MAP3K13: variants seen among roughly 807,000 people sequenced by gnomAD.
MAP3K13 encodes the protein mitogen-activated protein kinase kinase kinase 13.
A neutral mutation model predicts 104.0 loss-of-function variants in MAP3K13; 52 were observed. The observed-to-expected ratio is 0.50, with a 90% CI of 0.40 to 0.63. MAP3K13 has a LOEUF of 0.63. Among genes scored for constraint, MAP3K13 ranks in the 20% least tolerant of loss-of-function variants. The pLI, the probability that MAP3K13 is intolerant of heterozygous loss-of-function variation, is 0.00. For synonymous variants in MAP3K13, 394 were observed against 442.2 expected (o/e 0.89, Z 1.37); for missense variants, 914 against 1,218.5 (o/e 0.75, Z 3.72).
At chr3:185,325,914 C>T (rs1328454297) in intron 2 of MAP3K13, among the ~76,000 whole-genome samples, 2 of 152,226 alleles carry the variant, frequency 1.3e-5, no homozygotes, top group Non-Finnish European at 2.9e-5. Context: ...GCCTCTGAAC[C>T]TTTACATTGG....
chr3:185,301,406 T>C (rs1376163025), intron 2 of MAP3K13, among the ~76,000 whole-genome samples: 3 of 152,182 alleles, frequency 2.0e-5, no homozygotes, highest in Non-Finnish European at 1.5e-5. Context: ...TTTTTAAGGT[T>C]GCCTTTTCAC....
At chr3:185,434,610 G>A (rs1471155717) in intron 2 of MAP3K13, among the ~76,000 whole-genome samples, 1 of 152,170 alleles carries the variant, frequency 6.6e-6, no homozygotes, top group East Asian at 1.9e-4. Context: ...TACATGATAT[G>A]TGAAAAAGTA....
intron 4 of MAP3K13, among the ~76,000 whole-genome samples, chr3:185,444,768 C>G (rs1436297684): frequency 6.6e-6 from 1 of 152,090 alleles, no homozygotes; most frequent in Non-Finnish European, 1.5e-5. Context: ...GGATTAATCT[C>G]TTTTCAAAAT....
chr3:185,294,601 A>G (rs1720854975), intron 2 of MAP3K13, among the ~76,000 whole-genome samples: 2 of 152,248 alleles, frequency 1.3e-5, no homozygotes, highest in South Asian at 4.1e-4. Flanking sequence ...GACAGAATGA[A>G]TTGCAAAGGT....
chr3:185,301,984 G>T (rs4687209), intron 2 of MAP3K13, among the ~76,000 whole-genome samples: 99,729 of 150,332 alleles, frequency 0.66, 34,121 homozygotes, highest in Middle Eastern at 0.77. Flanking sequence ...AAAAATTTTT[G>T]TTTTCTATTT....
intron 1 of MAP3K13, among the ~76,000 whole-genome samples, chr3:185,371,844 A>G (rs1577475447): frequency 6.6e-6 from 1 of 152,162 alleles, no homozygotes; most frequent in Non-Finnish European, 1.5e-5. Context: ...AGAGGGCTCA[A>G]TTTGCAAAAT....
At chr3:185,329,891 G>GT (rs1360499153) in intron 2 of MAP3K13, among the ~76,000 whole-genome samples, 1 of 122,872 alleles carries the variant, frequency 8.1e-6, no homozygotes, top group Non-Finnish European at 1.7e-5. Flanking sequence ...TTAGCCAGTA[G>GT]CCTTTTTTTT....
intron 1 of MAP3K13, among the ~76,000 whole-genome samples, chr3:185,389,959 C>T (rs573539385): frequency 1.2e-4 from 19 of 152,114 alleles, no homozygotes; most frequent in South Asian, 4.2e-4. Context: ...CTTTAATGTC[C>T]GACTTAATAG....
At chr3:185,286,914 A>G (rs2108667630) in intron 2 of MAP3K13, among the ~76,000 whole-genome samples, 1 of 152,254 alleles carries the variant, frequency 6.6e-6, no homozygotes, top group South Asian at 2.1e-4. Flanking sequence ...GGAAACAAAC[A>G]GCAAGGCTTT....
chr3:185,392,335 C>T (rs1043111533), intron 1 of MAP3K13, among the ~76,000 whole-genome samples: 5 of 152,092 alleles, frequency 3.3e-5, no homozygotes, highest in African/African-American at 7.2e-5. Flanking sequence ...AAAGGGCTGA[C>T]GGAATACAGG....
chr3:185,398,204 C>T lies in MAP3K13; in HGVS notation c.-85-30293C>T, dbSNP rs534236116. 3.3e-5 allele frequency among the ~76,000 whole-genome samples: 5 copies of T among 152,108 alleles called. No individual in the cohort carries two copies. In the South Asian group the frequency reaches 8.3e-4, roughly 25 times the overall value. On this transcript the variant is annotated intron_variant, in intron 1 of 13. Coordinates refer to ENST00000265026, the MANE Select transcript of MAP3K13 (RefSeq NM_004721.5). The stretch of plus-strand genomic sequence containing the variant: ...AATGCTGTCTGTTCTGAGAAATAAC[C>T]GAGAGCCTAAGAAAGGGAACCTGAT...
intron 2 of MAP3K13, among the ~76,000 whole-genome samples, chr3:185,342,672 G>A (rs1693219263): frequency 1.3e-5 from 2 of 152,146 alleles, no homozygotes; most frequent in African/African-American, 2.4e-5. Context: ...GGTGCTTTTT[G>A]TAAATGTTTC....
At chr3:185,368,636 A>C (rs531516307) in intron 1 of MAP3K13, among the ~76,000 whole-genome samples, 2 of 152,248 alleles carry the variant, frequency 1.3e-5, no homozygotes, top group Admixed American at 1.3e-4. Context: ...TGTACCGGGC[A>C]TGAGAGAATG....
chr3:185,446,179 A>G (rs2148894540), intron 4 of MAP3K13, among the ~76,000 whole-genome samples: 1 of 152,266 alleles, frequency 6.6e-6, no homozygotes, highest in East Asian at 1.9e-4. Flanking sequence ...CAAATGGAGA[A>G]GCAAGGGGAT....
intron 7 of MAP3K13, among the ~76,000 whole-genome samples, chr3:185,454,462 T>TGATATATATGA (rs1716169972): frequency 1.1e-5 from 1 of 88,746 alleles, no homozygotes; most frequent in African/African-American, 4.6e-5. Context: ...GAGATATATA[T>TGATATATATGA]GATATATATA....
At chr3:185,399,661 GGGAAGGAA>G (rs1192557101) in intron 1 of MAP3K13, among the ~76,000 whole-genome samples, 1 of 1,516 alleles carries the variant, frequency 6.6e-4, no homozygotes, top group African/African-American at 1.8e-3. Flanking sequence ...GAAAAAAGGA[GGGAAGGAA>G]GGAAGGAAGG....
At position 185,429,056 on chromosome 3, in the gene MAP3K13, G is replaced by A; in HGVS notation, c.475G>A (p.Asp159Asn). The A allele has an allele frequency of 6.2e-7, 1 of 1,611,214 alleles. No homozygotes were observed. Among genetic ancestry groups the A allele is most frequent in the Non-Finnish European group, 8.5e-7 (1 of 1,177,798 alleles). ...CACTGATTACAAATTGCAGCAGCAAGGTAAGCTAGAATATGGACTTGGAAG... is the reference window on the plus strand; with the variant it reads ...CACTGATTACAAATTGCAGCAGCAAAGTAAGCTAGAATATGGACTTGGAAG... ...YSTDYKLQQQ[D>N]TWEVPFEEIS... is the part of the protein sequence containing the mutation. The change falls in exon 2 of 14, where the codon GAT (aspartate) becomes AAT (asparagine). Residue 159 changes from aspartate to asparagine, a missense_variant and splice_region_variant. Coordinates refer to ENST00000265026, the MANE Select transcript of MAP3K13 (RefSeq NM_004721.5).
At chr3:185,283,716 A>G (rs921075735) in intron 1 of MAP3K13, among the ~76,000 whole-genome samples, 2 of 152,042 alleles carry the variant, frequency 1.3e-5, no homozygotes, top group African/African-American at 2.4e-5. Flanking sequence ...ATCCGGGTGG[A>G]GAGGATGAGT....
intron 11 of MAP3K13, among the ~76,000 whole-genome samples, chr3:185,474,898 C>T (rs1269987937): frequency 6.6e-6 from 1 of 152,020 alleles, no homozygotes; most frequent in Non-Finnish European, 1.5e-5. Context: ...AGTTCAAGAC[C>T]AGCCTGGCCA....
Sources: gnomAD v4.1 joint callset for allele counts (sites outside exome capture counted in the v4.1 genomes callset) on GRCh38, gnomAD v4.1.1 for gene constraint, MANE v1.5 for transcripts, NCBI Gene and HGNC (gene_info 2026-07-23, HGNC 2026-07-21) for gene names.